The following CSNK2B variants were observed in gnomAD, a reference collection of about 807,000 sequenced individuals.
The protein encoded by CSNK2B is casein kinase II subunit beta.
In CSNK2B, 2 loss-of-function variants were observed where a neutral mutation model predicts 28.8. The observed-to-expected ratio is 0.07, with a 90% CI of 0.03 to 0.22. The LOEUF (loss-of-function observed/expected upper bound fraction) is 0.22, where lower values mean the gene tolerates loss of function less well. Among genes scored for constraint, CSNK2B ranks in the 10% least tolerant of loss-of-function variants. CSNK2B has a pLI of 1.00. For synonymous variants in CSNK2B, 89 were observed against 96.1 expected (o/e 0.93, Z 0.43); for missense variants, 107 against 277.9 (o/e 0.39, Z 4.37).
chr6:31,669,089 C>A lies in CSNK2B; in HGVS notation c.292-8C>A. 1 of 1,611,624 alleles carries A rather than the reference C, an allele frequency of 6.2e-7. No individual in the cohort carries two copies. Among genetic ancestry groups the A allele is most frequent in the Non-Finnish European group, 8.5e-7 (1 of 1,178,710 alleles). ...ACCTGCCAACCCCTTCCATTGTATT[C>A]ACCTCAGTTGGAAAAGTACCAGCAA... On this transcript the variant is annotated splice_region_variant and splice_polypyrimidine_tract_variant and intron_variant, in intron 4 of 6. Coordinates refer to ENST00000375882, the MANE Select transcript of CSNK2B (RefSeq NM_001320.7). This position sits in a 1 kb window ranked among gnomAD's most constrained non-coding sequence, Gnocchi z 4.8.
Position 31,667,118 on chromosome 6 carries a change from G to A in CSNK2B, c.72+215G>A, listed in dbSNP as rs557448011. On this transcript the variant is annotated intron_variant, in intron 2 of 6. Transcript: ENST00000375882. ...GCCACCGTCCAGCAATATAACGTTG[G>A]GCTAGTCAATTTGTGTCTTTTTCTT... The A allele has an allele frequency of 3.0e-4, 207 of 697,774 alleles. 1 individual carries two copies. The African/African-American group carries it at 3.4e-3, about 12-fold the overall frequency. The allele number at this position is 697,774 out of a possible 1,614,324, so 43.2% of individuals were successfully genotyped here.
chr6:31,668,230 C>G lies in CSNK2B; in HGVS notation c.175+260C>G, dbSNP rs114220079. 4.6e-5 allele frequency: 28 copies of G among 605,488 alleles called. No individual in the cohort carries two copies. The South Asian group carries it at 5.0e-4, about 11-fold the overall frequency. The allele number at this position is 605,488 out of a possible 1,614,324, so 37.5% of individuals were successfully genotyped here. ...GGGTCTGGTTTGTTGTCTGTTTCTC[C>G]TGCTTTGCACCTTCCAGTCTAGAAT... On this transcript the variant is annotated intron_variant, in intron 3 of 6. Coordinates refer to ENST00000375882, the MANE Select transcript of CSNK2B (RefSeq NM_001320.7).
At chr6:31,668,431 C>T (rs1007503753) in intron 3 of CSNK2B, 108 bp from the exon 4 acceptor site, 1 of 948,602 alleles carries the variant, frequency 1.1e-6, no homozygotes. Context: ...GGGTAAGGCC[C>T]AAAAGTAGGT....
chr6:31,670,025 G>A lies in CSNK2B; in HGVS notation c.*99G>A, dbSNP rs765434903. 3.3e-5 allele frequency: 31 copies of A among 950,184 alleles called. No homozygotes were observed. Among genetic ancestry groups the A allele is most frequent in the South Asian group, 6.9e-5 (4 of 57,866 alleles). The allele number at this position is 950,184 out of a possible 1,614,324, so 58.9% of individuals were successfully genotyped here. ...GTTTTTAGTTTAAATTAAAGGAGTC[G>A]TTATCGTGGTGGGAATATGAAATAA... On this transcript the variant is annotated 3_prime_UTR_variant, in exon 7 of 7. Coordinates refer to ENST00000375882, the MANE Select transcript of CSNK2B (RefSeq NM_001320.7).
chr6:31,669,752 A>G lies in CSNK2B; in HGVS notation c.558-84A>G. 8.1e-7 allele frequency: 1 copy of G among 1,238,518 alleles called. No individual in the cohort carries two copies. The highest frequency in any genetic ancestry group is 1.1e-6 in the Non-Finnish European group (1 of 877,674). The allele number at this position is 1,238,518 out of a possible 1,614,324, so 76.7% of individuals were successfully genotyped here. A position where few individuals can be genotyped will look rare whatever the true frequency, so the allele number is the denominator to read the frequency against. ...TCTGAGCAGGTCCATAGAGGAGCTC[A>G]GGTGGGGAGGTGGGAATGCAGGTGA... On this transcript the variant is annotated intron_variant, in intron 6 of 6. Coordinates refer to ENST00000375882, the MANE Select transcript of CSNK2B (RefSeq NM_001320.7). The surrounding 1 kb of genome is among the most constrained non-coding windows in gnomAD (Gnocchi z 4.8).
Position 31,669,866 on chromosome 6 carries a change from C to T in CSNK2B, c.588C>T (p.Ala196=). The part of the protein sequence containing the change: ...RLYGFKIHPM[A]YQLQLQAASN... ...ACGGTTTCAAGATCCATCCGATGGC[C>T]TACCAGCTGCAGCTCCAAGCCGCCA... Residue 196 remains alanine, a synonymous_variant, in exon 7 of 7, where the codon GCC becomes GCT. Coordinates refer to ENST00000375882, the MANE Select transcript of CSNK2B (RefSeq NM_001320.7). The surrounding 1 kb of genome is among the most constrained non-coding windows in gnomAD (Gnocchi z 4.8). The T allele has an allele frequency of 6.2e-7, 1 of 1,613,030 alleles. No individual in the cohort carries two copies. The highest frequency in any genetic ancestry group is 8.5e-7 in the Non-Finnish European group (1 of 1,180,024).
At position 31,666,132 on chromosome 6, in the gene CSNK2B, G is replaced by A. The variant is rs1429325894; in HGVS notation, c.-88G>A. Reference sequence around the variant, plus strand: ...CCTGCCGCGGTCGGGTCCGCGGCCTGCGCTGTAGCGGTCGCCGCCGTTCCC... The same window carrying A: ...CCTGCCGCGGTCGGGTCCGCGGCCTACGCTGTAGCGGTCGCCGCCGTTCCC... On this transcript the variant is annotated 5_prime_UTR_variant, in exon 1 of 7. Transcript: ENST00000375882. 5 of 993,326 alleles carry A rather than the reference G, an allele frequency of 5.0e-6. No individual in the cohort carries two copies. Among genetic ancestry groups the A allele is most frequent in the Non-Finnish European group, 6.0e-6 (5 of 833,678 alleles). The allele number at this position is 993,326 out of a possible 1,614,324, so 61.5% of individuals were successfully genotyped here.
Position 31,670,033 on chromosome 6 carries a change from G to A in CSNK2B, c.*107G>A, listed in dbSNP as rs1562054298. 1.2e-6 allele frequency: 1 copy of A among 868,784 alleles called. No homozygotes were observed. The highest frequency in any genetic ancestry group is 1.7e-6 in the Non-Finnish European group (1 of 585,586). The allele number at this position is 868,784 out of a possible 1,614,324, so 53.8% of individuals were successfully genotyped here. ...TTTAAATTAAAGGAGTCGTTATCGT[G>A]GTGGGAATATGAAATAAAGTAGAAG... On this transcript the variant is annotated 3_prime_UTR_variant, in exon 7 of 7. Coordinates refer to ENST00000375882, the MANE Select transcript of CSNK2B (RefSeq NM_001320.7).
Position 31,670,061 on chromosome 6 carries a change from A to C in CSNK2B, c.*135A>C. 1 of 759,880 alleles carries C rather than the reference A, an allele frequency of 1.3e-6. No homozygotes were observed. The highest frequency in any genetic ancestry group is 2.8e-5 in the East Asian group (1 of 35,562). 47.1% of individuals were successfully genotyped at this position (759,880 alleles called of 1,614,324 possible). ...GGGAATATGAAATAAAGTAGAAGAAAAGGCCATGAGCTAGTCTGCTGGTGC... is the reference window on the plus strand; with the variant it reads ...GGGAATATGAAATAAAGTAGAAGAACAGGCCATGAGCTAGTCTGCTGGTGC... On this transcript the variant is annotated 3_prime_UTR_variant, in exon 7 of 7. Transcript: ENST00000375882.
chr6:31,668,244 C>T (rs879480676), intron 3 of CSNK2B: 4 of 603,882 alleles, frequency 6.6e-6, no homozygotes, highest in Non-Finnish European at 1.2e-5. Context: ...TTTGCACCTT[C>T]CAGTCTAGAA....
rs1006330748 is a variant in CSNK2B at position 31,669,740 on chromosome 6, A to G, written c.558-96A>G. The G allele has an allele frequency of 3.4e-6, 4 of 1,172,812 alleles. No homozygotes were observed. Among genetic ancestry groups the G allele is most frequent in the Non-Finnish European group, 4.9e-6 (4 of 822,762 alleles). The allele number at this position is 1,172,812 out of a possible 1,614,324, so 72.7% of individuals were successfully genotyped here. A position where few individuals can be genotyped will look rare whatever the true frequency, so the allele number is the denominator to read the frequency against. On this transcript the variant is annotated intron_variant, in intron 6 of 6. Coordinates refer to ENST00000375882, the MANE Select transcript of CSNK2B (RefSeq NM_001320.7). This position sits in a 1 kb window ranked among gnomAD's most constrained non-coding sequence, Gnocchi z 4.8. ...CGAGGCTTTAGCTCTGAGCAGGTCCATAGAGGAGCTCAGGTGGGGAGGTGG... is the reference window on the plus strand; with the variant it reads ...CGAGGCTTTAGCTCTGAGCAGGTCCGTAGAGGAGCTCAGGTGGGGAGGTGG...
rs780072145 is a variant in CSNK2B, at chr6:31,669,072, A to G, written c.292-25A>G. The G allele has an allele frequency of 2.8e-5, 45 of 1,597,084 alleles. No individual in the cohort carries two copies. Among genetic ancestry groups the G allele is most frequent in the Non-Finnish European group, 3.2e-5 (37 of 1,165,746 alleles). On this transcript the variant is annotated intron_variant, in intron 4 of 6. Transcript: ENST00000375882. The surrounding 1 kb of genome is among the most constrained non-coding windows in gnomAD (Gnocchi z 4.8). Reference sequence around the variant, plus strand: ...GCCTCTTCTTTACATCTACCTGCCAACCCCTTCCATTGTATTCACCTCAGT... The same window carrying G: ...GCCTCTTCTTTACATCTACCTGCCAGCCCCTTCCATTGTATTCACCTCAGT...
rs1375722659 is a variant in CSNK2B at position 31,668,686 on chromosome 6, C to G, written c.291+32C>G. 6 of 1,578,698 alleles carry G rather than the reference C, an allele frequency of 3.8e-6. No homozygotes were observed. In the Admixed American group the frequency reaches 8.3e-5, roughly 22 times the overall value. ...CCTCTCTGCTCCTACCTGCCTCCTT[C>G]TGAGCAGTAAGAGACACAGGTTCCT... On this transcript the variant is annotated intron_variant, in intron 4 of 6. Coordinates refer to ENST00000375882, the MANE Select transcript of CSNK2B (RefSeq NM_001320.7).
chr6:31,667,201 G>A (rs879139671), intron 2 of CSNK2B: 3 of 566,980 alleles, frequency 5.3e-6, no homozygotes, highest in African/African-American at 3.7e-5. Flanking sequence ...GTGCGATCTC[G>A]GCTTACTGCC....
rs1392797295 is a variant in CSNK2B, at chr6:31,667,028, T to TC, written c.72+131dup. 11 of 870,158 alleles carry TC rather than the reference T, an allele frequency of 1.3e-5. No homozygotes were observed. The Admixed American group carries it at 1.8e-4, about 14-fold the overall frequency. 53.9% of individuals were successfully genotyped at this position (870,158 alleles called of 1,614,324 possible). A position where few individuals can be genotyped will look rare whatever the true frequency, so the allele number is the denominator to read the frequency against. On this transcript the variant is annotated intron_variant, in intron 2 of 6. Transcript: ENST00000375882. ...TTGAAAACTTCCTATCAGCAAAGAG[T>TC]CCCCCCTATAAACCCCGACGAACCT...
At position 31,669,951 on chromosome 6, in the gene CSNK2B, T is replaced by C. The variant is rs1186039596; in HGVS notation, c.*25T>C. 1 of 1,595,632 alleles carries C rather than the reference T, an allele frequency of 6.3e-7. No homozygotes were observed. Among genetic ancestry groups the C allele is most frequent in the South Asian group, 1.1e-5 (1 of 89,160 alleles). ...ATTCCCTCCCCCACCTGTCCTGCAG[T>C]CTTTGACTTTTCCTTTCTTTTTTGC... On this transcript the variant is annotated 3_prime_UTR_variant, in exon 7 of 7. Transcript: ENST00000375882. This position sits in a 1 kb window ranked among gnomAD's most constrained non-coding sequence, Gnocchi z 4.8.
intron 2 of CSNK2B, chr6:31,667,204 T>G (rs1801817010): frequency 1.8e-6 from 1 of 561,452 alleles, no homozygotes; most frequent in Non-Finnish European, 3.4e-6. Flanking sequence ...CGATCTCGGC[T>G]TACTGCCACC....
In CSNK2B at chr6:31,667,986, G is replaced by C. The variant is rs1801900762; in HGVS notation, c.175+16G>C. On this transcript the variant is annotated intron_variant, in intron 3 of 6. Transcript: ENST00000375882. ...CTGGAGCCTGGTGAGGCACCCTCAG[G>C]GTTGTTTTGTGTGTGTGCGTGCACT... is the stretch of plus-strand genomic sequence containing the variant. 1.3e-6 allele frequency: 2 copies of C among 1,572,784 alleles called. No individual in the cohort carries two copies. Among genetic ancestry groups the C allele is most frequent in the African/African-American group, 2.7e-5 (2 of 73,802 alleles).
intron 2 of CSNK2B, chr6:31,667,383 C>T (rs1468287289): frequency 1.4e-5 from 5 of 357,742 alleles, no homozygotes; most frequent in South Asian, 6.5e-5. Context: ...CTGCCTGCCT[C>T]GGCCTCCCAA....
Sources: allele counts gnomAD v4.1 joint callset, GRCh38; gene constraint gnomAD v4.1.1; non-coding constraint Gnocchi (gnomAD v3.1); transcripts MANE v1.5; gene names NCBI Gene and HGNC (gene_info 2026-07-23, HGNC 2026-07-21).